Variants in DOCK3 observed in about 807,000 individuals in gnomAD.
DOCK3 encodes the protein dedicator of cytokinesis protein 3.
In DOCK3, 60 loss-of-function variants were observed where a neutral mutation model predicts 265.6. That is an observed-to-expected ratio of 0.23 (90% CI 0.18 to 0.28). The LOEUF (loss-of-function observed/expected upper bound fraction) is 0.28, where lower values mean the gene tolerates loss of function less well. DOCK3 is among the 10% of genes least tolerant of loss of function. DOCK3 has a pLI of 1.00. For synonymous variants in DOCK3, 881 were observed against 938.0 expected, an observed-to-expected ratio of 0.94 and a Z score of 1.11; for missense variants, 1,981 against 2,594.3, an observed-to-expected ratio of 0.76 and a Z score of 5.14.
intron 28 of DOCK3, 65 bp downstream of exon 28, chr3:51,310,391 A>G (rs1431793337): frequency 7.2e-7 from 1 of 1,393,640 alleles, no homozygotes; most frequent in Non-Finnish European, 1.0e-6. Context: ...GAGTATGTGT[A>G]TTTCAGAGAG....
At position 51,099,819 on chromosome 3, in the gene DOCK3, A is replaced by C. The variant is rs1038361883; in HGVS notation, c.746+9435A>C. On this transcript the variant is annotated intron_variant, in intron 9 of 52. Transcript: ENST00000266037. The stretch of plus-strand genomic sequence containing the variant: ...GGGATAAGTGTTATGGAATAGAAAA[A>C]GTAAAGCATAAGGGAGATTTGCTGT... Among the ~76,000 whole-genome samples the C allele has an allele frequency of 2.0e-5, 3 of 152,218 alleles. No individual in the cohort carries two copies. In the South Asian group the frequency reaches 6.2e-4, roughly 32 times the overall value.
intron 6 of DOCK3, among the ~76,000 whole-genome samples, chr3:51,067,578 A>C (rs2081649462): frequency 1.4e-5 from 2 of 147,046 alleles, no homozygotes; most frequent in Admixed American, 6.8e-5. Context: ...TCCCTTCCCT[A>C]CTTTCCGTCT....
chr3:50,841,272 A>G (rs1401174491), intron 2 of DOCK3, among the ~76,000 whole-genome samples: 3 of 152,220 alleles, frequency 2.0e-5, no homozygotes, highest in African/African-American at 4.8e-5. Flanking sequence ...AGAGTAGTGT[A>G]GTATACTGTA....
chr3:50,697,919 A>AG (rs1559524896), intron 1 of DOCK3, among the ~76,000 whole-genome samples: 2 of 152,162 alleles, frequency 1.3e-5, no homozygotes. Flanking sequence ...GGTAAAAATC[A>AG]GTTATATAAA....
chr3:51,129,722 C>T (rs919327410), intron 9 of DOCK3, among the ~76,000 whole-genome samples: 4 of 152,154 alleles, frequency 2.6e-5, no homozygotes, highest in Non-Finnish European at 4.4e-5. Context: ...GTGCCGTGCT[C>T]CAGAATCCCA....
At chr3:50,730,770 G>T (rs1315842383) in intron 1 of DOCK3, among the ~76,000 whole-genome samples, 2 of 151,968 alleles carry the variant, frequency 1.3e-5, no homozygotes, top group East Asian at 1.9e-4. Context: ...GTTTGAGGCT[G>T]CAGTGAGCTA....
chr3:50,811,007 A>G (rs2043721277), intron 2 of DOCK3, among the ~76,000 whole-genome samples: 1 of 152,242 alleles, frequency 6.6e-6, no homozygotes, highest in Non-Finnish European at 1.5e-5. Flanking sequence ...TTAAAAATAA[A>G]AAATCTAGTC....
At chr3:51,192,413 A>C (rs1247260882) in intron 12 of DOCK3, among the ~76,000 whole-genome samples, 1 of 152,006 alleles carries the variant, frequency 6.6e-6, no homozygotes, top group Non-Finnish European at 1.5e-5. Flanking sequence ...GAAAACTAAC[A>C]GGTCAATATC....
chr3:50,802,129 T>C (rs2043104355), intron 2 of DOCK3, among the ~76,000 whole-genome samples: 1 of 152,152 alleles, frequency 6.6e-6, no homozygotes, highest in South Asian at 2.1e-4. Flanking sequence ...CATAGGGTCT[T>C]TCTTTTTTAT....
chr3:51,161,140 G>A (rs980878946), intron 12 of DOCK3, among the ~76,000 whole-genome samples: 5 of 150,886 alleles, frequency 3.3e-5, no homozygotes, highest in African/African-American at 1.2e-4. Context: ...AGGAAAAGGA[G>A]CTTTTTGAAA....
intron 5 of DOCK3, among the ~76,000 whole-genome samples, chr3:51,014,728 T>TA (rs1376061348): frequency 6.6e-6 from 1 of 152,132 alleles, no homozygotes; most frequent in Non-Finnish European, 1.5e-5. Context: ...ATTGAATCAG[T>TA]AGATTGCTTT....
At chr3:51,265,593 C>T (rs2080117647) in intron 23 of DOCK3, among the ~76,000 whole-genome samples, 1 of 152,170 alleles carries the variant, frequency 6.6e-6, no homozygotes, top group Non-Finnish European at 1.5e-5. Context: ...GAACCAATGA[C>T]AAAAACTACT....
intron 2 of DOCK3, among the ~76,000 whole-genome samples, chr3:50,827,760 G>C (rs1157097924): frequency 6.6e-6 from 1 of 152,080 alleles, no homozygotes; most frequent in Non-Finnish European, 1.5e-5. Context: ...CTTTGATATA[G>C]TTAGGTGTAG....
intron 2 of DOCK3, among the ~76,000 whole-genome samples, chr3:50,804,124 C>T (rs1163683911): frequency 1.3e-5 from 2 of 151,118 alleles, no homozygotes; most frequent in South Asian, 2.1e-4. Flanking sequence ...AGAGGCGCTC[C>T]CCACATCTCA....
At chr3:51,219,550 A>C (rs984510963) in intron 14 of DOCK3, among the ~76,000 whole-genome samples, 1 of 152,182 alleles carries the variant, frequency 6.6e-6, no homozygotes, top group Non-Finnish European at 1.5e-5. Flanking sequence ...AAATCTTAAC[A>C]AGCTTAAGGT....
chr3:51,128,414 TG>T (rs2084361830), intron 9 of DOCK3, among the ~76,000 whole-genome samples: 1 of 152,250 alleles, frequency 6.6e-6, no homozygotes, highest in South Asian at 2.1e-4. Flanking sequence ...ACTGTTCTAT[TG>T]ATCCAGCTGC....
intron 5 of DOCK3, among the ~76,000 whole-genome samples, chr3:50,971,052 A>C (rs1553717928): frequency 7.1e-6 from 1 of 140,180 alleles, no homozygotes; most frequent in Non-Finnish European, 1.5e-5. Flanking sequence ...CTGGTCTTGA[A>C]CTCCTGGCCT....
At chr3:51,262,199 C>T (rs1325827360) in intron 23 of DOCK3, among the ~76,000 whole-genome samples, 2 of 152,238 alleles carry the variant, frequency 1.3e-5, no homozygotes, top group Non-Finnish European at 1.5e-5. Context: ...CCCTCTGGGA[C>T]GAAGCTTCCA....
Position 51,341,218 on chromosome 3 carries a change from A to T in DOCK3, c.3767-19A>T. 6.4e-7 allele frequency: 1 copy of T among 1,554,914 alleles called. No homozygotes were observed. The highest frequency in any genetic ancestry group is 1.2e-5 in the South Asian group (1 of 80,110). On this transcript the variant is annotated intron_variant, in intron 37 of 52. Coordinates refer to ENST00000266037, the MANE Select transcript of DOCK3 (RefSeq NM_004947.5). ...GAGCAAGGGAAGCCCCTGGACCTCC[A>T]TGCTGTCTGTCCCCACAGAGGCCGC...
Sources: allele counts gnomAD v4.1 joint callset (sites outside exome capture counted in the v4.1 genomes callset), GRCh38; gene constraint gnomAD v4.1.1; transcripts MANE v1.5; gene names NCBI Gene and HGNC (gene_info 2026-07-23, HGNC 2026-07-21).